The following STRN variants were observed in gnomAD, a reference collection of about 807,000 sequenced individuals.
STRN encodes striatin, also known as protein phosphatase 2 regulatory subunit B'''alpha.
A neutral mutation model predicts 96.3 loss-of-function variants in STRN; 53 were observed. That is an observed-to-expected ratio of 0.55 (90% CI 0.44 to 0.69). The LOEUF (loss-of-function observed/expected upper bound fraction) is 0.69. STRN is among the 30% of genes least tolerant of loss of function. STRN has a pLI of 0.00. For missense variants in STRN, 987 were observed against 963.9 expected, an observed-to-expected ratio of 1.02 and a Z score of -0.32; for synonymous variants, 428 against 355.9, an observed-to-expected ratio of 1.20 and a Z score of -2.28.
chr2:36,890,225 T>C (rs1669352160), intron 7 of STRN, among the ~76,000 whole-genome samples: 1 of 152,150 alleles, frequency 6.6e-6, no homozygotes, highest in South Asian at 2.1e-4. Context: ...CTTTAACATC[T>C]CCTTGGTTTC....
chr2:36,889,656 A>C (rs529544560), intron 7 of STRN, among the ~76,000 whole-genome samples: 294 of 151,900 alleles, frequency 1.9e-3, no homozygotes, highest in African/African-American at 6.8e-3. Context: ...AGACAGATGG[A>C]GAGAACCCTT....
intron 9 of STRN, among the ~76,000 whole-genome samples, chr2:36,883,692 C>T (rs1395886689): frequency 2.0e-5 from 3 of 152,220 alleles, no homozygotes; most frequent in Admixed American, 2.0e-4. Context: ...GTGGAGCCAG[C>T]GGATATTTTA....
At chr2:36,854,684 C>T (rs1234085054) in intron 15 of STRN, among the ~76,000 whole-genome samples, 1 of 152,092 alleles carries the variant, frequency 6.6e-6, no homozygotes, top group Non-Finnish European at 1.5e-5. Context: ...TGGCTAACGA[C>T]AGAAAGCAAT....
chr2:36,859,711 A>G (rs1280841819), intron 13 of STRN, among the ~76,000 whole-genome samples: 2 of 152,208 alleles, frequency 1.3e-5, no homozygotes, highest in Non-Finnish European at 2.9e-5. Context: ...AGAAAAATAA[A>G]AGCAGTTTAT....
At chr2:36,940,483 T>C (rs916576888) in intron 1 of STRN, among the ~76,000 whole-genome samples, 2 of 152,100 alleles carry the variant, frequency 1.3e-5, no homozygotes, top group Non-Finnish European at 2.9e-5. Context: ...AAGTTTCCTG[T>C]ATTCCTCTTG....
chr2:36,955,885 T>C (rs1468768951), intron 1 of STRN, among the ~76,000 whole-genome samples: 1 of 152,228 alleles, frequency 6.6e-6, no homozygotes, highest in Non-Finnish European at 1.5e-5. Context: ...AAAATTCATT[T>C]ATGTTTCATA....
rs879413320 is a variant in STRN, at chr2:36,856,524, G to A, written c.1838-1172C>T. 7.9e-5 allele frequency among the ~76,000 whole-genome samples: 12 copies of A among 152,004 alleles called. No individual in the cohort carries two copies. The South Asian group carries it at 1.5e-3, about 18-fold the overall frequency. The stretch of plus-strand genomic sequence containing the variant: ...ACATTATAATGAAGAATAAAAGCAA[G>A]ATACAAAGAACACATACTTTACTAT... On this transcript the variant is annotated intron_variant, in intron 14 of 17. Transcript: ENST00000263918.
chr2:36,881,118 CTTT>C (rs3081783), intron 9 of STRN, among the ~76,000 whole-genome samples: 3,949 of 78,944 alleles, frequency 0.05, 163 homozygotes, highest in East Asian at 0.13. Context: ...ACACTGCCTT[CTTT>C]TTTTTTTTTT....
chr2:36,842,681 T>C lies in STRN; in HGVS notation c.*6775A>G, dbSNP rs1348037681. 1 of 152,154 alleles carries C rather than the reference T, an allele frequency of 6.6e-6. No homozygotes were observed. Among genetic ancestry groups the C allele is most frequent in the Non-Finnish European group, 1.5e-5 (1 of 68,028 alleles). 9.4% of individuals were successfully genotyped at this position (152,154 alleles called of 1,614,324 possible). ...GGAATAAGGAAAGGGTTAGGTTTTG[T>C]AGGGTTTGAGTGATACTTAGAAGCG... On this transcript the variant is annotated 3_prime_UTR_variant, in exon 18 of 18. Transcript: ENST00000263918.
At chr2:36,950,887 A>G (rs947557383) in intron 1 of STRN, among the ~76,000 whole-genome samples, 1 of 152,210 alleles carries the variant, frequency 6.6e-6, no homozygotes, top group African/African-American at 2.4e-5. Flanking sequence ...AGACAAGATT[A>G]CAGTGTTTCA....
rs530150811 is a variant in STRN, at chr2:36,855,332, C to T, written c.1858G>A (p.Val620Met). Residue 620 changes from valine (V) to methionine (M), a missense_variant, in exon 15 of 18, where the codon GTG becomes ATG. By Grantham distance (21) the Val-to-Met change is conservative. Transcript: ENST00000263918. ...CTCGGGTCACTGCTCACTAGATCCA[C>T]AGAGGCAGGGATTCCCAGTTCTGAA... is the stretch of plus-strand genomic sequence containing the variant. ...DTKELGIPAS[V>M]DLVSSDPSHM... 9 of 1,613,300 alleles carry T rather than the reference C, an allele frequency of 5.6e-6. No individual in the cohort carries two copies. Among genetic ancestry groups the T allele is most frequent in the African/African-American group, 5.3e-5 (4 of 74,854 alleles).
At chr2:36,901,409 G>A (rs557981006) in intron 5 of STRN, among the ~76,000 whole-genome samples, 1 of 152,102 alleles carries the variant, frequency 6.6e-6, no homozygotes. Context: ...AAAATTAGCT[G>A]GGTGCGGTGG....
Position 36,883,979 on chromosome 2 carries a change from G to A in STRN, c.1139C>T (p.Pro380Leu), listed in dbSNP as rs926464002. Reference protein sequence around the residue: ...LQPSVGSPSRPSSSRLPEHEI... With the variant: ...LQPSVGSPSRLSSSRLPEHEI... ...ATGTTCAGGAAGCCTGGAGCTGCTG[G>A]GTCTGGAAGGTGAACCCACAGATGG... Residue 380 changes from proline to leucine, a missense_variant, in exon 9 of 18, where the codon CCC (proline) becomes CTC (leucine). Pro to Leu is a moderately conservative substitution (Grantham distance 98, BLOSUM62 -3). Coordinates refer to ENST00000263918, the MANE Select transcript of STRN (RefSeq NM_003162.4). The A allele has an allele frequency of 7.0e-7, 1 of 1,437,868 alleles. No homozygotes were observed. Among genetic ancestry groups the A allele is most frequent in the African/African-American group, 1.5e-5 (1 of 68,714 alleles). 89.1% of individuals were successfully genotyped at this position (1,437,868 alleles called of 1,614,324 possible).
chr2:36,875,705 G>A (rs1668887632), intron 10 of STRN, among the ~76,000 whole-genome samples: 1 of 147,436 alleles, frequency 6.8e-6, no homozygotes, highest in Non-Finnish European at 1.5e-5. Context: ...CGCCCGCGCT[G>A]GAGTGCGGTG....
At position 36,877,875 on chromosome 2, in the gene STRN, C is replaced by T. The variant is rs576091368; in HGVS notation, c.1323+16G>A. ...AAAAACCAAGTAAACACAACAAAAA[C>T]AAAACTACTACTTACATCATAAGTT... On this transcript the variant is annotated intron_variant, in intron 10 of 17. Coordinates refer to ENST00000263918, the MANE Select transcript of STRN (RefSeq NM_003162.4). The T allele has an allele frequency of 5.4e-5, 87 of 1,611,892 alleles. 1 individual carries two copies. The East Asian group carries it at 1.6e-3, about 29-fold the overall frequency.
chr2:36,882,715 G>A (rs1472067044), intron 9 of STRN, among the ~76,000 whole-genome samples: 3 of 152,164 alleles, frequency 2.0e-5, no homozygotes. Flanking sequence ...GTTGTGGTGA[G>A]CTGTGATTGC....
intron 3 of STRN, among the ~76,000 whole-genome samples, chr2:36,907,988 T>A (rs1669866319): frequency 6.6e-6 from 1 of 150,868 alleles, no homozygotes; most frequent in African/African-American, 2.4e-5. Context: ...GAAAATAAAT[T>A]AAAAAAAATA....
chr2:36,926,924 G>C (rs1238250214), intron 1 of STRN, among the ~76,000 whole-genome samples: 1 of 152,094 alleles, frequency 6.6e-6, no homozygotes, highest in Non-Finnish European at 1.5e-5. Context: ...GGAAATGACA[G>C]CCCAACTTGT....
rs1172841916 is a variant in STRN, at chr2:36,893,944, C to T, written c.885G>A (p.Glu295=). The change falls in exon 7 of 18, where the codon GAG becomes GAA. Residue 295 remains glutamate (E), a synonymous_variant. Coordinates refer to ENST00000263918, the MANE Select transcript of STRN (RefSeq NM_003162.4). ...CACTTCTAGATTCATTGTCTCCTTC[C>T]TCTGATGTAACCAAGAAGTCAAACT... The part of the protein sequence containing the change: ...LKEFDFLVTS[E]EGDNESRSAG... The T allele has an allele frequency of 1.2e-6, 2 of 1,613,464 alleles. No homozygotes were observed. Among genetic ancestry groups the T allele is most frequent in the African/African-American group, 1.3e-5 (1 of 74,984 alleles).
Sources: gnomAD v4.1 joint callset for allele counts (sites outside exome capture counted in the v4.1 genomes callset) on GRCh38, gnomAD v4.1.1 for gene constraint, MANE v1.5 for transcripts, NCBI Gene and HGNC (gene_info 2026-07-23, HGNC 2026-07-21) for gene names.